LARGE1: variants seen among roughly 807,000 people sequenced by gnomAD.
LARGE1 encodes LARGE xylosyl- and glucuronyltransferase 1, also known as xylosyl- and glucuronyltransferase LARGE1.
Under a neutral mutation model 87.6 loss-of-function variants are expected in LARGE1, and 43 were observed. That is an observed-to-expected ratio of 0.49 (90% CI 0.38 to 0.63). The LOEUF (loss-of-function observed/expected upper bound fraction) is 0.63, where lower values mean the gene tolerates loss of function less well. Ranked by LOEUF, LARGE1 falls within the 30% of genes least tolerant of loss-of-function variation. The probability of loss-of-function intolerance (pLI) is 0.00; values close to 1 mark genes in which losing one functional copy is unlikely to be tolerated. For missense variants in LARGE1, 802 were observed against 1,000.2 expected, an observed-to-expected ratio of 0.80 and a Z score of 2.67; for synonymous variants, 434 against 394.6, an observed-to-expected ratio of 1.10 and a Z score of -1.18.
intron 5 of LARGE1, chr22:33,572,393 G>A (rs1252148488): frequency 1.4e-5 from 4 of 286,690 alleles, no homozygotes; most frequent in Admixed American, 4.6e-5. Flanking sequence ...AAATGAGCAC[G>A]AGCTTTGGAG....
chr22:33,621,741 T>C (rs1452127872), intron 4 of LARGE1, among the ~76,000 whole-genome samples: 2 of 152,196 alleles, frequency 1.3e-5, no homozygotes, highest in Non-Finnish European at 2.9e-5. Flanking sequence ...ATCACCAGCA[T>C]ATCAATTCAC....
intron 2 of LARGE1, among the ~76,000 whole-genome samples, chr22:33,696,857 A>G (rs937021335): frequency 8.5e-5 from 13 of 152,104 alleles, no homozygotes; most frequent in African/African-American, 3.1e-4. Flanking sequence ...TTACATATGC[A>G]TAATTTATCA....
chr22:33,127,920 G>A, the LARGE1 span, among the ~76,000 whole-genome samples: 1 of 152,170 alleles, frequency 6.6e-6, no homozygotes, highest in African/African-American at 2.4e-5. Context: ...AGTTAATGTT[G>A]TTCATCATAT....
rs181796067 is a variant in LARGE1 at position 33,450,555 on chromosome 22, G to A, written c.788-18290C>T. 5.7e-4 allele frequency among the ~76,000 whole-genome samples: 86 copies of A among 152,178 alleles called. No individual in the cohort carries two copies. The East Asian group carries it at 0.016, about 28-fold the overall frequency. The stretch of plus-strand genomic sequence containing the variant: ...TGGAACCCAGCAGGCAGAGGCTGCA[G>A]TGAGCCAAGATACTGCACTCCTGCC... On this transcript the variant is annotated intron_variant, in intron 6 of 14. Coordinates refer to ENST00000397394, the MANE Select transcript of LARGE1 (RefSeq NM_133642.5).
intron 11 of LARGE1, among the ~76,000 whole-genome samples, chr22:33,180,045 C>T (rs142288810): frequency 5.9e-5 from 9 of 152,326 alleles, no homozygotes; most frequent in Admixed American, 3.3e-4. Flanking sequence ...AGCAGTCCTC[C>T]TCTCTGGAAG....
intron 11 of LARGE1, among the ~76,000 whole-genome samples, chr22:33,167,077 T>G (rs1467826528): frequency 2.0e-5 from 3 of 152,162 alleles, no homozygotes; most frequent in Admixed American, 6.5e-5. Context: ...AATAATCCAT[T>G]AATTGGTCAA....
intron 7 of LARGE1, among the ~76,000 whole-genome samples, chr22:33,416,464 C>T (rs1035318776): frequency 6.6e-6 from 1 of 152,134 alleles, no homozygotes; most frequent in African/African-American, 2.4e-5. Context: ...CAGACTCCTC[C>T]ATCATAGTGC....
chr22:33,535,694 T>C (rs992419778), intron 6 of LARGE1, among the ~76,000 whole-genome samples: 13 of 152,146 alleles, frequency 8.5e-5, no homozygotes, highest in Admixed American at 2.0e-4. Context: ...TGGGGATCCA[T>C]TCCATGTGGC....
intron 5 of LARGE1, chr22:33,572,167 AT>A: frequency 7.9e-7 from 1 of 1,271,586 alleles, no homozygotes; most frequent in Non-Finnish European, 1.0e-6. Context: ...TTTGCTGTGG[AT>A]TACAAATCAC....
intron 11 of LARGE1, among the ~76,000 whole-genome samples, chr22:33,239,334 C>A (rs1184539984): frequency 6.6e-6 from 1 of 152,014 alleles, no homozygotes; most frequent in Non-Finnish European, 1.5e-5. Context: ...AGATAGTGCC[C>A]ACTTACACAC....
intron 6 of LARGE1, among the ~76,000 whole-genome samples, chr22:33,557,615 G>C (rs1412251615): frequency 1.3e-5 from 2 of 152,130 alleles, no homozygotes; most frequent in African/African-American, 4.8e-5. Context: ...GCCCAGGCTG[G>C]AGTGCAGTGG....
chr22:33,338,610 ACT>A (rs2146585184), intron 9 of LARGE1, among the ~76,000 whole-genome samples: 1 of 152,336 alleles, frequency 6.6e-6, no homozygotes, highest in East Asian at 1.9e-4. Context: ...TGAATGATAC[ACT>A]GTCTCATAAA....
intron 2 of LARGE1, among the ~76,000 whole-genome samples, chr22:33,744,924 T>C (rs2084023390): frequency 6.6e-6 from 1 of 152,152 alleles, no homozygotes; most frequent in Non-Finnish European, 1.5e-5. Flanking sequence ...TGCCTTTCCC[T>C]CTAAAAGGAG....
At position 33,192,906 on chromosome 22, in the gene LARGE1, C is replaced by T. The variant is rs571082713; in HGVS notation, c.1731-26074G>A. Among the ~76,000 whole-genome samples, 5 of 152,160 alleles carry T rather than the reference C, an allele frequency of 3.3e-5. 1 individual carries two copies. In the East Asian group the frequency reaches 9.6e-4, roughly 29 times the overall value. On this transcript the variant is annotated intron_variant, in intron 11 of 11. Coordinates refer to the LARGE1 transcript ENST00000608642. ...GTGTGGATAATCAGTTTTCCCAACA[C>T]CATTTATTGAAGAAATTGTACTTTC...
At chr22:33,415,213 C>A (rs776799886) in intron 7 of LARGE1, among the ~76,000 whole-genome samples, 2 of 152,124 alleles carry the variant, frequency 1.3e-5, no homozygotes, top group Non-Finnish European at 2.9e-5. Context: ...CAGGTGGAGG[C>A]GTTGTTTTGT....
intron 1 of LARGE1, among the ~76,000 whole-genome samples, chr22:33,853,845 A>G (rs1045904380): frequency 1.3e-5 from 2 of 152,232 alleles, no homozygotes; most frequent in Admixed American, 6.5e-5. Flanking sequence ...AAATAGAAGT[A>G]TGCAAGCTCT....
chr22:33,698,147 A>G (rs970305914), intron 2 of LARGE1, among the ~76,000 whole-genome samples: 27 of 152,266 alleles, frequency 1.8e-4, no homozygotes, highest in African/African-American at 6.3e-4. Context: ...ATCTCTGCTC[A>G]CTGCAACCTC....
the LARGE1 span, among the ~76,000 whole-genome samples, chr22:33,153,204 T>A: frequency 1.3e-5 from 2 of 152,168 alleles, no homozygotes; most frequent in Admixed American, 6.5e-5. Flanking sequence ...TTTATTTAAA[T>A]TTTTTTAGGC....
intron 10 of LARGE1, among the ~76,000 whole-genome samples, chr22:33,334,416 A>C (rs963192697): frequency 2.8e-5 from 4 of 141,252 alleles, no homozygotes; most frequent in Non-Finnish European, 6.1e-5. Flanking sequence ...TCTCAAAAAA[A>C]AAAAAACAAA....
Sources: gnomAD v4.1 joint callset for allele counts (sites outside exome capture counted in the v4.1 genomes callset) on GRCh38, gnomAD v4.1.1 for gene constraint, MANE v1.5 for transcripts, NCBI Gene and HGNC (gene_info 2026-07-23, HGNC 2026-07-21) for gene names.